Variants in CASK observed in about 807,000 individuals in gnomAD.
The protein encoded by CASK is peripheral plasma membrane protein CASK.
CASK carries 4 observed loss-of-function variants against 82.9 expected under a neutral mutation model. That is an observed-to-expected ratio of 0.05 (90% CI 0.02 to 0.11). CASK has a LOEUF of 0.11. Among genes scored for constraint, CASK ranks in the 10% least tolerant of loss-of-function variants. The probability of loss-of-function intolerance (pLI) is 1.00; values close to 1 mark genes in which losing one functional copy is unlikely to be tolerated. For synonymous variants in CASK, 259 were observed against 253.5 expected, an observed-to-expected ratio of 1.02 and a Z score of -0.20; for missense variants, 358 against 720.9, an observed-to-expected ratio of 0.50 and a Z score of 5.76.
intron 3 of CASK, among the ~76,000 whole-genome samples, chrX:41,773,342 T>C (rs2069282082): frequency 1.0e-5 from 1 of 97,599 alleles, no homozygotes; most frequent in Non-Finnish European, 2.0e-5. Flanking sequence ...GCCACTGCCC[T>C]ATGGCCTGGA....
chrX:41,841,131 C>A (rs935022192), intron 2 of CASK, among the ~76,000 whole-genome samples: 1 of 112,091 alleles, frequency 8.9e-6, no homozygotes, highest in African/African-American at 3.2e-5. Flanking sequence ...TTTTCAACAG[C>A]GGTTACATCA....
intron 8 of CASK, among the ~76,000 whole-genome samples, chrX:41,658,020 T>C (rs1205792060): frequency 1.8e-5 from 2 of 110,600 alleles, no homozygotes; most frequent in Non-Finnish European, 1.9e-5. Context: ...ATCATGCCTA[T>C]AGTAATAAGG....
In CASK at chrX:41,519,425, CTTAA is replaced by C. The variant is rs1157297591; in HGVS notation, c.*991_*994del. On this transcript the variant is annotated 3_prime_UTR_variant, in exon 27 of 27. Transcript: ENST00000378163. Reference sequence around the variant, plus strand: ...ATACAGATTAAAAATCATTTCTTTGCTTAATTAAAACGTTAATACTCTTAGACAA... The same window carrying C: ...ATACAGATTAAAAATCATTTCTTTGCTTAAAACGTTAATACTCTTAGACAA... The C allele has an allele frequency of 1.8e-5, 2 of 111,375 alleles. No individual in the cohort carries two copies. The highest frequency in any genetic ancestry group is 6.5e-5 in the African/African-American group (2 of 30,613). 9.2% of individuals were successfully genotyped at this position (111,375 alleles called of 1,213,427 possible). A position where few individuals can be genotyped will look rare whatever the true frequency, so the allele number is the denominator to read the frequency against.
intron 3 of CASK, among the ~76,000 whole-genome samples, chrX:41,783,028 C>T (rs2069511839): frequency 9.1e-6 from 1 of 109,963 alleles, no homozygotes; most frequent in Non-Finnish European, 1.9e-5. Context: ...GCCTGTAGTC[C>T]CAGCTACATG....
At chrX:41,652,239 G>C (rs1184513386) in intron 8 of CASK, among the ~76,000 whole-genome samples, 1 of 111,110 alleles carries the variant, frequency 9.0e-6, no homozygotes, top group Non-Finnish European at 1.9e-5. Context: ...GGGGTGACAT[G>C]AGTCAAGTGT....
intron 8 of CASK, among the ~76,000 whole-genome samples, chrX:41,642,092 T>C (rs930679738): frequency 1.8e-5 from 2 of 111,111 alleles, no homozygotes; most frequent in African/African-American, 6.6e-5. Context: ...TTTTTAAGGT[T>C]GCATAGTATT....
At chrX:41,756,160 T>C (rs1467085373) in intron 3 of CASK, among the ~76,000 whole-genome samples, 1 of 112,292 alleles carries the variant, frequency 8.9e-6, no homozygotes, top group Non-Finnish European at 1.9e-5. Context: ...CCACAGGTAC[T>C]ATGTATGGAA....
At position 41,798,559 on chromosome X, in the gene CASK, G is replaced by A. The variant is rs763080590; in HGVS notation, c.173-11276C>T. 5.3e-5 allele frequency among the ~76,000 whole-genome samples: 6 copies of A among 112,768 alleles called. No homozygotes were observed. In the South Asian group the frequency reaches 1.8e-3, roughly 34 times the overall value. ...CACAGAACTAATAAGCTGCGGCCAGGGGCGGTGGCTCACGCCTGTAATCCC... is the reference window on the plus strand; with the variant it reads ...CACAGAACTAATAAGCTGCGGCCAGAGGCGGTGGCTCACGCCTGTAATCCC... On this transcript the variant is annotated intron_variant, in intron 2 of 26. Transcript: ENST00000378163.
intron 1 of CASK, among the ~76,000 whole-genome samples, chrX:41,887,664 A>T (rs1179289160): frequency 9.0e-6 from 1 of 111,298 alleles, no homozygotes; most frequent in African/African-American, 3.3e-5. Flanking sequence ...GGCTCAGCCA[A>T]CATTGAATTA....
At chrX:41,768,848 C>A (rs1397256462) in intron 3 of CASK, among the ~76,000 whole-genome samples, 2 of 111,089 alleles carry the variant, frequency 1.8e-5, no homozygotes, top group Admixed American at 9.6e-5. Context: ...AGAATTCTTA[C>A]AACTAAAACA....
chrX:41,774,277 A>G (rs1449194181), intron 3 of CASK, among the ~76,000 whole-genome samples: 2 of 111,459 alleles, frequency 1.8e-5, no homozygotes, highest in African/African-American at 6.5e-5. Flanking sequence ...AAAAATCACA[A>G]GCATTCTTAT....
intron 3 of CASK, among the ~76,000 whole-genome samples, chrX:41,753,672 G>A (rs1353495310): frequency 8.9e-6 from 1 of 112,063 alleles, no homozygotes; most frequent in Admixed American, 9.5e-5. Flanking sequence ...GATCATTTGA[G>A]GCCAGGAGTT....
intron 1 of CASK, among the ~76,000 whole-genome samples, chrX:41,880,187 T>A (rs1305471846): frequency 9.0e-6 from 1 of 111,706 alleles, no homozygotes; most frequent in Non-Finnish European, 1.9e-5. Flanking sequence ...GAAGAAGACA[T>A]TATTACCCCT....
At chrX:41,697,846 G>A (rs1287540163) in intron 5 of CASK, 1 of 108,303 alleles carries the variant, frequency 9.2e-6, no homozygotes, top group Admixed American at 9.9e-5. Context: ...TTATTGCCCA[G>A]GCTGGAGTGC....
At chrX:41,864,075 C>T (rs1569472004) in intron 1 of CASK, among the ~76,000 whole-genome samples, 1 of 111,523 alleles carries the variant, frequency 9.0e-6, no homozygotes, top group Non-Finnish European at 1.9e-5. Flanking sequence ...TTCAGTGATA[C>T]TTCTGTGGAA....
At chrX:41,802,571 C>T (rs939952041) in intron 2 of CASK, among the ~76,000 whole-genome samples, 11 of 112,047 alleles carry the variant, frequency 9.8e-5, no homozygotes, top group Non-Finnish European at 1.3e-4. Flanking sequence ...ATCAGTATAA[C>T]GACTTTTAAA....
At chrX:41,912,754 T>C (rs993149857) in intron 1 of CASK, among the ~76,000 whole-genome samples, 5 of 103,745 alleles carry the variant, frequency 4.8e-5, no homozygotes, top group East Asian at 3.0e-4. Flanking sequence ...CTAGGCAACA[T>C]AGTGAGACCC....
chrX:41,833,653 A>C (rs1217739526), intron 2 of CASK, among the ~76,000 whole-genome samples: 1 of 111,669 alleles, frequency 9.0e-6, no homozygotes, highest in African/African-American at 3.3e-5. Context: ...ATCTCAATAA[A>C]CCTATTTGAA....
chrX:41,583,719 T>C (rs746137601), intron 14 of CASK, among the ~76,000 whole-genome samples: 1 of 109,667 alleles, frequency 9.1e-6, no homozygotes, highest in African/African-American at 3.3e-5. Flanking sequence ...AGTGCTGGGA[T>C]TATAAGCGTG....
Sources: allele counts gnomAD v4.1 joint callset (sites outside exome capture counted in the v4.1 genomes callset), GRCh38; gene constraint gnomAD v4.1.1; transcripts MANE v1.5; gene names NCBI Gene and HGNC (gene_info 2026-07-23, HGNC 2026-07-21).